The following TBCD variants were observed in gnomAD, a reference collection of about 807,000 sequenced individuals.
TBCD encodes tubulin folding cofactor D.
In TBCD, 105 loss-of-function variants were observed where a neutral mutation model predicts 169.3. That is an observed-to-expected ratio of 0.62 (90% CI 0.53 to 0.73). The LOEUF is 0.73. Among genes scored for constraint, TBCD ranks in the 30% least tolerant of loss-of-function variants. TBCD has a pLI of 0.00. For synonymous variants in TBCD, 700 were observed against 643.9 expected (o/e 1.09, Z -1.32); for missense variants, 1,444 against 1,600.1 (o/e 0.90, Z 1.66).
rs1385759059 is a variant in TBCD, at chr17:82,782,518, A to G, written c.771+797A>G. Among the ~76,000 whole-genome samples, 1 of 151,992 alleles carries G rather than the reference A, an allele frequency of 6.6e-6. No individual in the cohort carries two copies. The highest frequency in any genetic ancestry group is 1.5e-5 in the Non-Finnish European group (1 of 67,986). ...CACTTTGTTCTTGTTTAAAAAATAT[A>G]TTTTATAGAGACAGGGTCTTGCTAT... is the stretch of plus-strand genomic sequence containing the variant. On this transcript the variant is annotated intron_variant, in intron 7 of 38. Transcript: ENST00000355528. This position sits in a 1 kb window ranked among gnomAD's most constrained non-coding sequence, Gnocchi z 5.1.
At chr17:82,863,345 G>A (rs537331954) in intron 13 of TBCD, among the ~76,000 whole-genome samples, 2 of 152,198 alleles carry the variant, frequency 1.3e-5, no homozygotes, top group Non-Finnish European at 2.9e-5. Flanking sequence ...AGACCCGGAC[G>A]CAGCGTGGAG....
rs1277122701 is a variant in TBCD at position 82,768,516 on chromosome 17, C to T, written c.532C>T (p.Pro178Ser). 1.2e-6 allele frequency: 2 copies of T among 1,614,018 alleles called. No homozygotes were observed. The highest frequency in any genetic ancestry group is 1.7e-6 in the Non-Finnish European group (2 of 1,179,888). ...SRLDGNLLTQPGQARMSIMDR... is the reference protein window; with the variant it reads ...SRLDGNLLTQSGQARMSIMDR... The stretch of plus-strand genomic sequence containing the variant: ...CCTTGACGGGAACCTCCTCACCCAG[C>T]CTGGGCAAGCACGAATGTCCATAAT... Residue 178 changes from proline (P) to serine (S), a missense_variant, in exon 5 of 39, where the codon CCT becomes TCT. Pro to Ser is a moderately conservative substitution (Grantham distance 74, BLOSUM62 -1). Transcript: ENST00000355528.
chr17:82,843,135 C>A (rs2054671389), intron 13 of TBCD, among the ~76,000 whole-genome samples: 1 of 152,130 alleles, frequency 6.6e-6, no homozygotes, highest in African/African-American at 2.4e-5. Flanking sequence ...ACCTTGATGC[C>A]ATTCTGATTC....
intron 7 of TBCD, among the ~76,000 whole-genome samples, chr17:82,787,487 C>T (rs990147279): frequency 8.5e-5 from 13 of 152,162 alleles, no homozygotes; most frequent in Non-Finnish European, 1.6e-4. Context: ...TGGAAGGGTC[C>T]GTTTGGTCTG....
chr17:82,799,811 C>A (rs2050376064), intron 8 of TBCD, among the ~76,000 whole-genome samples: 1 of 152,194 alleles, frequency 6.6e-6, no homozygotes, highest in Non-Finnish European at 1.5e-5. Flanking sequence ...TGCTTGTCAC[C>A]CACGCTCATT....
At chr17:82,823,136 CAG>C (rs913577417) in intron 13 of TBCD, among the ~76,000 whole-genome samples, 1 of 152,252 alleles carries the variant, frequency 6.6e-6, no homozygotes, top group African/African-American at 2.4e-5. Context: ...GGTCTAGGGA[CAG>C]GGCATTCCCT....
chr17:82,798,290 G>A (rs955630725), intron 8 of TBCD, among the ~76,000 whole-genome samples: 1 of 152,052 alleles, frequency 6.6e-6, no homozygotes, highest in African/African-American at 2.4e-5. Context: ...GGGACTACAG[G>A]TGCCTGCCAC....
intron 13 of TBCD, among the ~76,000 whole-genome samples, chr17:82,865,318 C>A (rs2057089171): frequency 6.6e-6 from 1 of 152,202 alleles, no homozygotes; most frequent in Non-Finnish European, 1.5e-5. Context: ...CCACGCGGCT[C>A]TCGGGAGCCG....
chr17:82,828,418 G>A (rs1175679645), intron 13 of TBCD, among the ~76,000 whole-genome samples: 1 of 143,204 alleles, frequency 7.0e-6, no homozygotes, highest in Non-Finnish European at 1.5e-5. Context: ...ACACACACCC[G>A]CAGATATGTA....
intron 19 of TBCD, among the ~76,000 whole-genome samples, chr17:82,904,660 T>C (rs947513284): frequency 1.3e-5 from 2 of 152,140 alleles, no homozygotes; most frequent in Admixed American, 1.3e-4. Flanking sequence ...TCCCCCGACA[T>C]TTATTACAGG....
In TBCD at chr17:82,806,438, C is replaced by T. The variant is rs535535085; in HGVS notation, c.1087+427C>T. Among the ~76,000 whole-genome samples the T allele has an allele frequency of 6.6e-6, 1 of 152,264 alleles. No homozygotes were observed. Among genetic ancestry groups the T allele is most frequent in the Non-Finnish European group, 1.5e-5 (1 of 68,002 alleles). On this transcript the variant is annotated intron_variant, in intron 10 of 38. Coordinates refer to ENST00000355528, the MANE Select transcript of TBCD (RefSeq NM_005993.5). The surrounding 1 kb of genome is among the most constrained non-coding windows in gnomAD (Gnocchi z 5.1). ...CATTACACCTTGCAGGGGTCTCCAT[C>T]CACTGCCCTGTTCTCCTCCTGTGGG...
chr17:82,762,501 C>A (rs1466278594), intron 2 of TBCD, among the ~76,000 whole-genome samples: 2 of 152,062 alleles, frequency 1.3e-5, no homozygotes, highest in East Asian at 3.9e-4. Flanking sequence ...GTAATTCTAG[C>A]ACTTTGGGAG....
intron 15 of TBCD, among the ~76,000 whole-genome samples, chr17:82,886,933 T>C (rs892524822): frequency 1.3e-5 from 2 of 151,404 alleles, no homozygotes; most frequent in African/African-American, 2.4e-5. Context: ...GCTCCCAAAG[T>C]GCTGGGATTA....
intron 17 of TBCD, among the ~76,000 whole-genome samples, chr17:82,899,157 G>A (rs374590025): frequency 6.1e-5 from 7 of 113,866 alleles, no homozygotes; most frequent in African/African-American, 8.3e-5. Flanking sequence ...TGTCCTCAGC[G>A]TGTCCGCAGT....
rs2061319944 is a variant in TBCD at position 82,920,010 on chromosome 17, C to T, written c.2039-546C>T. Among the ~76,000 whole-genome samples the T allele has an allele frequency of 6.6e-6, 1 of 152,184 alleles. No individual in the cohort carries two copies. The highest frequency in any genetic ancestry group is 2.4e-5 in the African/African-American group (1 of 41,448). ...CGGTGGGAGCTAGAGCAGTGTGTGG[C>T]CGTGGGAGCTGCTGATGCTGTCCAG... On this transcript the variant is annotated intron_variant, in intron 23 of 38. Coordinates refer to ENST00000355528, the MANE Select transcript of TBCD (RefSeq NM_005993.5). This position sits in a 1 kb window ranked among gnomAD's most constrained non-coding sequence, Gnocchi z 4.1.
intron 3 of TBCD, among the ~76,000 whole-genome samples, chr17:82,765,586 A>G (rs74000069): frequency 5.9e-5 from 9 of 152,150 alleles, no homozygotes; most frequent in African/African-American, 1.9e-4. Flanking sequence ...GCGAGAGGAC[A>G]CTGCGGGTGA....
At chr17:82,768,618 A>G (rs372887599) in intron 5 of TBCD, 52 bp downstream of exon 5, 334 of 1,593,996 alleles carry the variant, frequency 2.1e-4, no homozygotes, top group Middle Eastern at 1.7e-3. Flanking sequence ...TTTCATGTTC[A>G]TGCTGTCTTG....
chr17:82,921,385 C>T, intron 24 of TBCD, 116 bp from the exon 25 acceptor site: 1 of 839,028 alleles, frequency 1.2e-6, no homozygotes, highest in Non-Finnish European at 2.0e-6. Flanking sequence ...CCACAGATTC[C>T]TCTCAAAGGT....
chr17:82,937,751 C>T, intron 35 of TBCD: 2 of 986,408 alleles, frequency 2.0e-6, no homozygotes, highest in Non-Finnish European at 2.9e-6. Flanking sequence ...CGATAGGCAC[C>T]TTGGCTGCTC....
Sources: gnomAD v4.1 joint callset for allele counts (sites outside exome capture counted in the v4.1 genomes callset) on GRCh38, gnomAD v4.1.1 for gene constraint, Gnocchi (gnomAD v3.1) non-coding constraint, MANE v1.5 for transcripts, NCBI Gene and HGNC (gene_info 2026-07-23, HGNC 2026-07-21) for gene names.